DNAH10: variants seen among roughly 807,000 people sequenced by gnomAD.
The protein encoded by DNAH10 is dynein axonemal heavy chain 10.
A neutral mutation model predicts 506.6 loss-of-function variants in DNAH10; 348 were observed. The observed-to-expected ratio is 0.69, with a 90% CI of 0.63 to 0.75. The LOEUF is 0.75. DNAH10 is among the 30% of genes least tolerant of loss of function. The probability of loss-of-function intolerance (pLI) is 0.00; values close to 1 mark genes in which losing one functional copy is unlikely to be tolerated. For synonymous variants in DNAH10, 2,059 were observed against 2,198.6 expected, an observed-to-expected ratio of 0.94 and a Z score of 1.78; for missense variants, 5,179 against 5,787.1, an observed-to-expected ratio of 0.89 and a Z score of 3.41.
intron 67 of DNAH10, 62 bp downstream of exon 67, chr12:123,924,494 A>C: frequency 1.2e-4 from 196 of 1,578,814 alleles, no homozygotes; most frequent in Non-Finnish European, 1.6e-4. Flanking sequence ...TCCAAACCTC[A>C]ACTGTGGCCC....
chr12:123,835,015 C>G (rs1296019248), intron 27 of DNAH10, among the ~76,000 whole-genome samples: 1 of 152,158 alleles, frequency 6.6e-6, no homozygotes. Context: ...TCCCTGTTTT[C>G]AATTCTTTTG....
chr12:123,799,390 C>A lies in DNAH10; in HGVS notation c.2289+19C>A. ...GACCAAGGTGCGCTGCCCACGCCCT[C>A]ATTCCCGATTGCCGCGTGAGACGAT... On this transcript the variant is annotated intron_variant, in intron 14 of 78. Coordinates refer to ENST00000673944, the MANE Select transcript of DNAH10 (RefSeq NM_001372106.1). 1 of 1,604,402 alleles carries A rather than the reference C, an allele frequency of 6.2e-7. No individual in the cohort carries two copies. The highest frequency in any genetic ancestry group is 8.5e-7 in the Non-Finnish European group (1 of 1,174,220).
At chr12:123,887,650 G>A (rs908223854) in intron 52 of DNAH10, among the ~76,000 whole-genome samples, 2 of 152,188 alleles carry the variant, frequency 1.3e-5, no homozygotes, top group African/African-American at 4.8e-5. Flanking sequence ...GAGGCCAGGT[G>A]TGGTGCCTCC....
chr12:123,833,496 ATTTT>A (rs1960796717), intron 27 of DNAH10, 149 bp downstream of exon 27: 6 of 666,844 alleles, frequency 9.0e-6, no homozygotes, highest in Non-Finnish European at 1.5e-5. Context: ...GTCTTGATTT[ATTTT>A]GAGGACAAGA....
chr12:123,915,146 C>T, intron 62 of DNAH10, 147 bp downstream of exon 62: 1 of 1,150,378 alleles, frequency 8.7e-7, no homozygotes, highest in South Asian at 1.7e-5. Flanking sequence ...GAGCCCTCCC[C>T]CGGCTCCGCC....
At chr12:123,882,350 TG>T (rs1251302111) in intron 51 of DNAH10, 1 of 152,360 alleles carries the variant, frequency 6.6e-6, no homozygotes, top group Non-Finnish European at 1.5e-5. Context: ...CACACAGATC[TG>T]GGTTAATCTT....
At chr12:123,894,951 T>C (rs1279330958) in intron 54 of DNAH10, among the ~76,000 whole-genome samples, 1 of 152,218 alleles carries the variant, frequency 6.6e-6, no homozygotes, top group East Asian at 1.9e-4. Flanking sequence ...TGATTAGGTG[T>C]TCTCCACAGC....
At chr12:123,763,746 T>C (rs1039318642) in intron 1 of DNAH10, among the ~76,000 whole-genome samples, 1 of 151,716 alleles carries the variant, frequency 6.6e-6, no homozygotes, top group Non-Finnish European at 1.5e-5. Context: ...ATATTTTTGG[T>C]AGAGACAGGT....
At chr12:123,799,408 G>A in intron 14 of DNAH10, 37 bp downstream of exon 14, 1 of 1,598,518 alleles carries the variant, frequency 6.3e-7, no homozygotes, top group Non-Finnish European at 8.5e-7. Flanking sequence ...ATTGCCGCGT[G>A]AGACGATGGC....
chr12:123,835,574 TTGAGATATTTGTACC>T, intron 28 of DNAH10, 46 bp downstream of exon 28: 1 of 1,581,866 alleles, frequency 6.3e-7, no homozygotes, highest in Non-Finnish European at 8.6e-7. Context: ...GGGCAGCGAT[TTGAGATATTTGTACC>T]TTTTTATTTG....
intron 44 of DNAH10, among the ~76,000 whole-genome samples, chr12:123,871,162 G>C (rs1436282117): frequency 6.6e-6 from 1 of 152,206 alleles, no homozygotes; most frequent in African/African-American, 2.4e-5. Flanking sequence ...AGGGGTCTGA[G>C]TGATGTCAGC....
intron 13 of DNAH10, among the ~76,000 whole-genome samples, chr12:123,797,616 C>G (rs916625164): frequency 1.3e-5 from 2 of 152,174 alleles, no homozygotes; most frequent in African/African-American, 4.8e-5. Flanking sequence ...AGGCTGGTCT[C>G]AAACTCCTGA....
chr12:123,765,783 ATCTC>A (rs1420893793), intron 1 of DNAH10, among the ~76,000 whole-genome samples: 3 of 150,408 alleles, frequency 2.0e-5, no homozygotes, highest in African/African-American at 7.4e-5. Context: ...ACATCTATCT[ATCTC>A]TGTCTATACA....
Position 123,914,372 on chromosome 12 carries a change from C to T in DNAH10, c.10396C>T (p.Leu3466=), listed in dbSNP as rs376976812. The change falls in exon 61 of 79, where the codon CTG becomes TTG. Residue 3466 remains leucine (L), a synonymous_variant. Transcript: ENST00000673944. ...LDELMHRRVK[L]LGDCLLCAAF... The stretch of plus-strand genomic sequence containing the variant: ...TGAGCTGATGCACCGGCGCGTGAAG[C>T]TGCTGGGGGACTGCCTGCTCTGCGC... 1.2e-6 allele frequency: 2 copies of T among 1,613,402 alleles called. No individual in the cohort carries two copies. The highest frequency in any genetic ancestry group is 1.1e-5 in the South Asian group (1 of 91,082).
chr12:123,928,090 A>T lies in DNAH10; in HGVS notation c.12106-297A>T. ...AGCCCTGCTCAGGAGTCCTCAGGGG[A>T]CAGGAGCGACTGTGTGGGAGGAGCT... On this transcript the variant is annotated intron_variant, in intron 69 of 78. Transcript: ENST00000673944. This position sits in a 1 kb window ranked among gnomAD's most constrained non-coding sequence, Gnocchi z 4.9. The T allele has an allele frequency of 3.8e-6, 2 of 520,558 alleles. No individual in the cohort carries two copies. The highest frequency in any genetic ancestry group is 6.9e-6 in the Non-Finnish European group (2 of 289,112). The allele number at this position is 520,558 out of a possible 1,614,324, so 32.2% of individuals were successfully genotyped here.
chr12:123,841,232 TG>T, intron 29 of DNAH10, 89 bp from the exon 30 acceptor site: 1 of 1,369,464 alleles, frequency 7.3e-7, no homozygotes, highest in Non-Finnish European at 1.0e-6. Flanking sequence ...GCTTGCATCG[TG>T]GCAGCTCTGC....
Position 123,925,645 on chromosome 12 carries a change from C to T in DNAH10, c.11921+441C>T, listed in dbSNP as rs1255411359. ...TAGCCACATTTTAAGTGCTGTGCCT[C>T]ACGGCCATCGCACTGGACAATGTAG... is the stretch of plus-strand genomic sequence containing the variant. On this transcript the variant is annotated intron_variant, in intron 68 of 78. Coordinates refer to ENST00000673944, the MANE Select transcript of DNAH10 (RefSeq NM_001372106.1). This position sits in a 1 kb window ranked among gnomAD's most constrained non-coding sequence, Gnocchi z 4.0. 6.0e-6 allele frequency: 1 copy of T among 166,946 alleles called. No homozygotes were observed. The highest frequency in any genetic ancestry group is 1.3e-5 in the Non-Finnish European group (1 of 77,296). The allele number at this position is 166,946 out of a possible 1,614,324, so 10.3% of individuals were successfully genotyped here. A position where few individuals can be genotyped will look rare whatever the true frequency, so the allele number is the denominator to read the frequency against.
At chr12:123,858,787 A>T (rs1464434730) in intron 37 of DNAH10, among the ~76,000 whole-genome samples, 1 of 152,158 alleles carries the variant, frequency 6.6e-6, no homozygotes, top group Non-Finnish European at 1.5e-5. Context: ...TACAACATGG[A>T]TGAGCTTTGA....
At chr12:123,767,844 G>A (rs1957105586) in intron 2 of DNAH10, among the ~76,000 whole-genome samples, 155 bp downstream of exon 2, 1 of 152,160 alleles carries the variant, frequency 6.6e-6, no homozygotes, top group African/African-American at 2.4e-5. Flanking sequence ...GGATGTAGTA[G>A]TTTCCCACGG....
Sources: gnomAD v4.1 joint callset for allele counts (sites outside exome capture counted in the v4.1 genomes callset) on GRCh38, gnomAD v4.1.1 for gene constraint, Gnocchi (gnomAD v3.1) non-coding constraint, MANE v1.5 for transcripts, NCBI Gene and HGNC (gene_info 2026-07-23, HGNC 2026-07-21) for gene names.